The following DNAJC13 variants were observed in gnomAD, a reference collection of about 807,000 sequenced individuals.
DNAJC13 encodes the protein DnaJ heat shock protein family (Hsp40) member C13, also known as dnaJ homolog subfamily C member 13.
Under a neutral mutation model 290.5 loss-of-function variants are expected in DNAJC13, and 75 were observed. That is an observed-to-expected ratio of 0.26 (90% CI 0.21 to 0.31). The LOEUF is 0.31. Among genes scored for constraint, DNAJC13 ranks in the 10% least tolerant of loss-of-function variants. DNAJC13 has a pLI of 1.00. For synonymous variants in DNAJC13, 862 were observed against 892.0 expected, an observed-to-expected ratio of 0.97 and a Z score of 0.60; for missense variants, 2,260 against 2,674.5, an observed-to-expected ratio of 0.85 and a Z score of 3.42.
intron 50 of DNAJC13, 21 bp downstream of exon 50, chr3:132,523,220 A>G (rs1936146361): frequency 1.2e-6 from 2 of 1,612,592 alleles, no homozygotes; most frequent in African/African-American, 2.7e-5. Flanking sequence ...CTTTTATTTT[A>G]CATCTTATTT....
chr3:132,460,333 A>G lies in DNAJC13; in HGVS notation c.1533A>G (p.Leu511=). Residue 511 remains leucine (L), a synonymous_variant, in exon 14 of 56, where the codon TTA becomes TTG. Coordinates refer to ENST00000260818, the MANE Select transcript of DNAJC13 (RefSeq NM_015268.4). The part of the protein sequence containing the change: ...LLSSKKFLEN[L]LEKFNSHVDH... Reference sequence around the variant, plus strand: ...CGTCAAAGAAGTTTCTGGAAAACTTACTGGAGAAATTTAATTCCCATGTGG... The same window carrying G: ...CGTCAAAGAAGTTTCTGGAAAACTTGCTGGAGAAATTTAATTCCCATGTGG... 1 of 1,610,974 alleles carries G rather than the reference A, an allele frequency of 6.2e-7. No individual in the cohort carries two copies.
chr3:132,522,061 T>C (rs1405754093), intron 48 of DNAJC13, among the ~76,000 whole-genome samples: 1 of 152,192 alleles, frequency 6.6e-6, no homozygotes, highest in Non-Finnish European at 1.5e-5. Context: ...GACTTCATAT[T>C]AGTCTTCATT....
intron 31 of DNAJC13, among the ~76,000 whole-genome samples, chr3:132,490,021 T>A (rs1016321524): frequency 6.6e-6 from 1 of 152,218 alleles, no homozygotes. Flanking sequence ...ACAGTGTTTA[T>A]AGCACAAGTC....
In DNAJC13 at chr3:132,529,052, C is replaced by T. The variant is rs567057982; in HGVS notation, c.6525+720C>T. Reference sequence around the variant, plus strand: ...ATTAACAGTGTTGTACAAACACCACCGTATCTAGTTCCAAAACATTTTCAT... The same window carrying T: ...ATTAACAGTGTTGTACAAACACCACTGTATCTAGTTCCAAAACATTTTCAT... On this transcript the variant is annotated intron_variant, in intron 54 of 55. Coordinates refer to ENST00000260818, the MANE Select transcript of DNAJC13 (RefSeq NM_015268.4). 3.5e-4 allele frequency among the ~76,000 whole-genome samples: 53 copies of T among 152,130 alleles called. 1 individual carries two copies. In the South Asian group the frequency reaches 8.7e-3, roughly 25 times the overall value.
chr3:132,439,877 T>C (rs1175803338), intron 2 of DNAJC13, among the ~76,000 whole-genome samples: 1 of 152,212 alleles, frequency 6.6e-6, no homozygotes, highest in Non-Finnish European at 1.5e-5. Flanking sequence ...AAGTCAAGTT[T>C]CCACTACAGA....
chr3:132,494,369 G>A (rs1011422933), intron 34 of DNAJC13, 110 bp downstream of exon 34: 38 of 825,812 alleles, frequency 4.6e-5, no homozygotes, highest in African/African-American at 8.7e-5. Flanking sequence ...CCTATACTTT[G>A]ATATATACAC....
intron 33 of DNAJC13, among the ~76,000 whole-genome samples, chr3:132,493,751 G>A (rs1437435944): frequency 6.6e-6 from 1 of 151,870 alleles, no homozygotes; most frequent in African/African-American, 2.4e-5. Flanking sequence ...TCTTACTACA[G>A]TGTATCATCT....
intron 46 of DNAJC13, among the ~76,000 whole-genome samples, chr3:132,516,209 C>G (rs542497365): frequency 6.6e-6 from 1 of 152,296 alleles, no homozygotes; most frequent in South Asian, 2.1e-4. Context: ...AACTATACCA[C>G]TTATTAGCTG....
intron 34 of DNAJC13, among the ~76,000 whole-genome samples, chr3:132,494,546 T>C (rs1001276718): frequency 1.3e-5 from 2 of 152,194 alleles, no homozygotes; most frequent in African/African-American, 4.8e-5. Context: ...GCCATTCACA[T>C]GTTCATTTTT....
chr3:132,453,248 A>G lies in DNAJC13; in HGVS notation c.538-50A>G, dbSNP rs768789277. On this transcript the variant is annotated intron_variant, in intron 6 of 55. Transcript: ENST00000260818. ...TCCTATGAGTTGATTAGCTACAGAC[A>G]CATTTCAGTTGTTTCAACTCTGACT... 5.8e-6 allele frequency: 9 copies of G among 1,545,970 alleles called. No individual in the cohort carries two copies. The South Asian group carries it at 1.0e-4, about 18-fold the overall frequency.
chr3:132,471,142 C>T (rs1321327627), intron 20 of DNAJC13, among the ~76,000 whole-genome samples: 18 of 128,542 alleles, frequency 1.4e-4, no homozygotes, highest in African/African-American at 4.7e-4. Context: ...CCCTCCTGGA[C>T]GGGGTGGCTG....
Position 132,482,245 on chromosome 3 carries a change from C to T in DNAJC13, c.2894C>T (p.Ala965Val), listed in dbSNP as rs777056943. 3 of 1,613,344 alleles carry T rather than the reference C, an allele frequency of 1.9e-6. No individual in the cohort carries two copies. The highest frequency in any genetic ancestry group is 2.5e-6 in the Non-Finnish European group (3 of 1,179,600). Residue 965 changes from alanine to valine, a missense_variant, in exon 27 of 56, where the codon GCT becomes GTT. Ala to Val is a moderately conservative substitution (Grantham distance 64). This residue lies in a region of DNAJC13 where 1,494 missense variants were observed against 1,693.7 expected (regional missense o/e 0.88). Transcript: ENST00000260818. ...ACTTAGAGCAATGTAATTGAAGCTG[C>T]TCCAGATATGAAAAGAGAGAGTGAA... Reference protein sequence around the residue: ...VPLQSNVIEAAPDMKRESEKE... With the variant: ...VPLQSNVIEAVPDMKRESEKE...
chr3:132,500,878 A>G lies in DNAJC13; in HGVS notation c.4501A>G (p.Ile1501Val). 4 of 1,614,118 alleles carry G rather than the reference A, an allele frequency of 2.5e-6. No individual in the cohort carries two copies. The highest frequency in any genetic ancestry group is 3.4e-6 in the Non-Finnish European group (4 of 1,179,956). The part of the protein sequence containing the change: ...REKITEMPSI[I>V]KDLCRVLYFG... Reference sequence around the variant, plus strand: ...GAAGATCACGGAAATGCCTAGCATCATCAAGGATCTCTGTCGGGTACTATA... The same window carrying G: ...GAAGATCACGGAAATGCCTAGCATCGTCAAGGATCTCTGTCGGGTACTATA... Residue 1501 changes from isoleucine (I) to valine (V), a missense_variant, in exon 39 of 56, where the codon ATC becomes GTC. Coordinates refer to ENST00000260818, the MANE Select transcript of DNAJC13 (RefSeq NM_015268.4).
chr3:132,499,704 A>G, intron 37 of DNAJC13, 30 bp from the exon 38 acceptor site: 2 of 1,604,924 alleles, frequency 1.2e-6, no homozygotes, highest in Non-Finnish European at 1.7e-6. Context: ...GTCAAAATGG[A>G]GAGTTAATAG....
intron 38 of DNAJC13, 84 bp downstream of exon 38, chr3:132,499,892 C>A: frequency 1.6e-6 from 2 of 1,269,246 alleles, no homozygotes; most frequent in Non-Finnish European, 1.1e-6. Flanking sequence ...AACTGGAGGG[C>A]TCATTAAACT....
intron 48 of DNAJC13, among the ~76,000 whole-genome samples, chr3:132,518,732 C>T (rs1157939266): frequency 1.3e-5 from 2 of 152,020 alleles, no homozygotes; most frequent in Non-Finnish European, 2.9e-5. Flanking sequence ...TCACACATAT[C>T]TAGTGTACAA....
At chr3:132,421,143 T>C (rs764966889) in intron 1 of DNAJC13, among the ~76,000 whole-genome samples, 56 of 152,208 alleles carry the variant, frequency 3.7e-4, no homozygotes, top group Non-Finnish European at 8.2e-4. Flanking sequence ...ATTAGTAACA[T>C]ATATGTGAAT....
intron 48 of DNAJC13, among the ~76,000 whole-genome samples, chr3:132,518,747 G>A (rs1267947638): frequency 1.3e-5 from 2 of 152,208 alleles, no homozygotes; most frequent in Non-Finnish European, 2.9e-5. Context: ...GTACAATTCA[G>A]TGGTTTTTAG....
intron 48 of DNAJC13, among the ~76,000 whole-genome samples, chr3:132,517,116 T>G (rs1191669930): frequency 6.6e-6 from 1 of 152,230 alleles, no homozygotes; most frequent in Non-Finnish European, 1.5e-5. Context: ...GAAGATAGGT[T>G]AGACTTTCAC....
Sources: gnomAD v4.1 joint callset for allele counts (sites outside exome capture counted in the v4.1 genomes callset) on GRCh38, gnomAD v4.1.1 for gene constraint, gnomAD v4.1.1 regional missense constraint, MANE v1.5 for transcripts, NCBI Gene and HGNC (gene_info 2026-07-23, HGNC 2026-07-21) for gene names.